SYT16: variants seen among roughly 807,000 people sequenced by gnomAD.
The protein encoded by SYT16 is synaptotagmin 16, also known as synaptotagmin-16.
SYT16 carries 42 observed loss-of-function variants against 61.4 expected under a neutral mutation model. The observed-to-expected ratio is 0.68, with a 90% CI of 0.53 to 0.89. The LOEUF is 0.89. Ranked by LOEUF, SYT16 falls within the 40% of genes least tolerant of loss-of-function variation. The pLI is 0.00. For missense variants in SYT16, 804 were observed against 807.3 expected, an observed-to-expected ratio of 1.00 and a Z score of 0.05; for synonymous variants, 314 against 302.3, an observed-to-expected ratio of 1.04 and a Z score of -0.40.
At chr14:61,972,587 C>G (rs1460074387) in intron 2 of SYT16, among the ~76,000 whole-genome samples, 1 of 152,188 alleles carries the variant, frequency 6.6e-6, no homozygotes, top group Non-Finnish European at 1.5e-5. Context: ...TCTCCTTTTA[C>G]AAGTTTAATT....
intron 1 of SYT16, among the ~76,000 whole-genome samples, chr14:61,906,381 C>T (rs2048710770): frequency 1.3e-5 from 2 of 152,294 alleles, no homozygotes; most frequent in South Asian, 2.1e-4. Flanking sequence ...TGCCTGGGTT[C>T]AAGCGATCCT....
At chr14:62,059,800 A>T (rs961872859) in intron 3 of SYT16, among the ~76,000 whole-genome samples, 9 of 150,384 alleles carry the variant, frequency 6.0e-5, no homozygotes, top group South Asian at 2.1e-4. Flanking sequence ...ACACACACAC[A>T]CTCAATGTGA....
intron 1 of SYT16, among the ~76,000 whole-genome samples, chr14:61,907,702 C>T (rs985299640): frequency 2.6e-5 from 4 of 152,326 alleles, no homozygotes; most frequent in South Asian, 2.1e-4. Context: ...TGGCCTACCT[C>T]GGCAATGACA....
At chr14:61,961,637 G>T (rs1056745102) in intron 1 of SYT16, among the ~76,000 whole-genome samples, 2 of 152,118 alleles carry the variant, frequency 1.3e-5, no homozygotes, top group African/African-American at 2.4e-5. Context: ...CAAGGTTGTG[G>T]AGAAAAGTGA....
In SYT16 at chr14:62,109,566, A is replaced by T; in HGVS notation, c.*8859A>T. ...ACCTATATGATATTGAGCTTGTTTT[A>T]CATTGGGGGAGGAGATTTATGAAAA... is the stretch of plus-strand genomic sequence containing the variant. On this transcript the variant is annotated 3_prime_UTR_variant, in exon 8 of 8. Coordinates refer to ENST00000683842, the MANE Select transcript of SYT16 (RefSeq NM_001367656.1). The T allele has an allele frequency of 6.6e-6, 1 of 152,090 alleles. No individual in the cohort carries two copies. Among genetic ancestry groups the T allele is most frequent in the Non-Finnish European group, 1.5e-5 (1 of 68,000 alleles). The allele number at this position is 152,090 out of a possible 1,614,324, so 9.4% of individuals were successfully genotyped here.
At chr14:61,914,336 G>T (rs2049040022) in intron 1 of SYT16, among the ~76,000 whole-genome samples, 1 of 152,148 alleles carries the variant, frequency 6.6e-6, no homozygotes, top group African/African-American at 2.4e-5. Flanking sequence ...AGCTCCACAT[G>T]TTGTGGCTGA....
At chr14:61,859,341 G>A (rs1167910415) in intron 1 of SYT16, among the ~76,000 whole-genome samples, 1 of 152,046 alleles carries the variant, frequency 6.6e-6, no homozygotes, top group Non-Finnish European at 1.5e-5. Context: ...GGCCAGACAC[G>A]GAGAGTTCAT....
At chr14:61,996,695 A>G (rs1000801268) in intron 3 of SYT16, among the ~76,000 whole-genome samples, 153 bp downstream of exon 3, 1 of 152,094 alleles carries the variant, frequency 6.6e-6, no homozygotes, top group African/African-American at 2.4e-5. Flanking sequence ...TATAATCCTT[A>G]GGAATATTTT....
intron 1 of SYT16, among the ~76,000 whole-genome samples, chr14:61,890,698 C>A (rs73258426): frequency 6.6e-6 from 1 of 151,906 alleles, no homozygotes; most frequent in Non-Finnish European, 1.5e-5. Context: ...TAGTAAATTG[C>A]GTATGTTAGT....
chr14:62,055,783 G>A (rs1174886159), intron 3 of SYT16, among the ~76,000 whole-genome samples: 1 of 152,132 alleles, frequency 6.6e-6, no homozygotes, highest in Non-Finnish European at 1.5e-5. Flanking sequence ...TATATAAAGG[G>A]GAGTTTATTA....
chr14:62,016,423 G>A (rs775726574), intron 3 of SYT16, among the ~76,000 whole-genome samples: 1 of 152,012 alleles, frequency 6.6e-6, no homozygotes, highest in African/African-American at 2.4e-5. Flanking sequence ...GCCGGGTGTG[G>A]TGGCTCACGT....
chr14:61,974,295 A>G (rs969074787), intron 2 of SYT16, among the ~76,000 whole-genome samples: 7 of 152,140 alleles, frequency 4.6e-5, no homozygotes, highest in African/African-American at 1.7e-4. Flanking sequence ...AGGATGAACA[A>G]TCCAAGGCCT....
chr14:61,832,246 G>C (rs1433071852), intron 1 of SYT16: 1 of 612,636 alleles, frequency 1.6e-6, no homozygotes, highest in Non-Finnish European at 3.2e-6. Flanking sequence ...GGATAGTCAC[G>C]TCGATCCACA....
rs190802083 is a variant in SYT16 at position 62,092,746 on chromosome 14, T to C, written c.1625-7648T>C. 2.6e-3 allele frequency among the ~76,000 whole-genome samples: 396 copies of C among 152,100 alleles called. 2 individuals are homozygous for C. Among genetic ancestry groups the C allele is most frequent in the African/African-American group, 9.2e-3 (384 of 41,530 alleles). ...TGAAGGAGAGGGAAATGGGGAGTTA[T>C]CATTTAATGGATATGGAGTTTCAGT... is the stretch of plus-strand genomic sequence containing the variant. On this transcript the variant is annotated intron_variant, in intron 7 of 7. Coordinates refer to ENST00000683842, the MANE Select transcript of SYT16 (RefSeq NM_001367656.1).
chr14:61,847,960 C>T (rs537405622), intron 1 of SYT16, among the ~76,000 whole-genome samples: 38 of 152,234 alleles, frequency 2.5e-4, no homozygotes, highest in African/African-American at 7.9e-4. Flanking sequence ...CTGAATTCTT[C>T]GTGTTATCTT....
chr14:62,055,175 T>A (rs2055493206), intron 3 of SYT16, among the ~76,000 whole-genome samples: 1 of 152,236 alleles, frequency 6.6e-6, no homozygotes, highest in Admixed American at 6.5e-5. Flanking sequence ...ACCTCAGTTC[T>A]CAGCAGAGTA....
intron 1 of SYT16, among the ~76,000 whole-genome samples, chr14:61,926,358 G>C (rs1277030512): frequency 1.3e-5 from 2 of 152,178 alleles, no homozygotes; most frequent in African/African-American, 4.8e-5. Context: ...ATATAGTTTA[G>C]TCTGGATTCT....
intron 3 of SYT16, among the ~76,000 whole-genome samples, chr14:62,060,276 C>G (rs989063133): frequency 4.6e-5 from 7 of 151,836 alleles, no homozygotes; most frequent in Non-Finnish European, 7.4e-5. Context: ...TTTTGAATGC[C>G]TTTTGTTAAA....
intron 5 of SYT16, 130 bp from the exon 6 acceptor site, chr14:62,080,704 C>A (rs2140972670): frequency 1.1e-6 from 1 of 890,684 alleles, no homozygotes; most frequent in East Asian, 2.7e-5. Context: ...ACAGACCTAT[C>A]TGATATAGAG....
Sources: gnomAD v4.1 joint callset for allele counts (sites outside exome capture counted in the v4.1 genomes callset) on GRCh38, gnomAD v4.1.1 for gene constraint, MANE v1.5 for transcripts, NCBI Gene and HGNC (gene_info 2026-07-23, HGNC 2026-07-21) for gene names.